NAA60: variants seen among roughly 807,000 people sequenced by gnomAD.
The protein encoded by NAA60 is N-alpha-acetyltransferase 60.
NAA60 carries 8 observed loss-of-function variants against 26.1 expected under a neutral mutation model. The observed-to-expected ratio is 0.31, with a 90% confidence interval of 0.18 to 0.55. The LOEUF (loss-of-function observed/expected upper bound fraction) is 0.55, where lower values mean the gene tolerates loss of function less well. Ranked by LOEUF, NAA60 falls within the 20% of genes least tolerant of loss-of-function variation. NAA60 has a pLI of 0.93. For missense variants in NAA60, 290 were observed against 311.3 expected (o/e 0.93, Z 0.51); for synonymous variants, 131 against 122.5 (o/e 1.07, Z -0.46).
chr16:3,445,389 T>G (rs893294480), intron 1 of NAA60, among the ~76,000 whole-genome samples: 10 of 151,058 alleles, frequency 6.6e-5, no homozygotes, highest in Admixed American at 3.3e-4. Context: ...TTCTCCTGCC[T>G]AAGCCTCCTG....
chr16:3,461,123 A>T (rs898959350), intron 2 of NAA60, among the ~76,000 whole-genome samples: 1 of 151,430 alleles, frequency 6.6e-6, no homozygotes, highest in African/African-American at 2.4e-5. Flanking sequence ...TTCAGGACTT[A>T]TCAGAAGCCC....
At chr16:3,456,066 G>A (rs2034979133) in intron 2 of NAA60, among the ~76,000 whole-genome samples, 1 of 152,104 alleles carries the variant, frequency 6.6e-6, no homozygotes, top group African/African-American at 2.4e-5. Context: ...TCATCTTAAC[G>A]GTGCTGTATT....
At chr16:3,482,378 C>G (rs2036892269) in intron 4 of NAA60, 124 bp from the exon 5 acceptor site, 3 of 755,110 alleles carry the variant, frequency 4.0e-6, no homozygotes, top group Non-Finnish European at 6.8e-6. Flanking sequence ...TTGATTCTGC[C>G]CCTCCCAGTC....
Position 3,443,741 on chromosome 16 carries a change from T to G in NAA60, c.-173T>G. 6.5e-7 allele frequency: 1 copy of G among 1,526,838 alleles called. No homozygotes were observed. The highest frequency in any genetic ancestry group is 1.2e-5 in the South Asian group (1 of 83,118). 94.6% of individuals were successfully genotyped at this position (1,526,838 alleles called of 1,614,324 possible). On this transcript the variant is annotated 5_prime_UTR_variant, in exon 1 of 8. Coordinates refer to ENST00000407558, the MANE Select transcript of NAA60 (RefSeq NM_001083601.3). ...GGCCTGTTTGCCTGCTGAAGTAGAGTCTTAGGGTGACCCCAGGGGGACGTA... is the reference window on the plus strand; with the variant it reads ...GGCCTGTTTGCCTGCTGAAGTAGAGGCTTAGGGTGACCCCAGGGGGACGTA...
chr16:3,456,460 A>G (rs529338453), intron 2 of NAA60, among the ~76,000 whole-genome samples: 2 of 151,534 alleles, frequency 1.3e-5, no homozygotes, highest in South Asian at 2.1e-4. Flanking sequence ...TTTTAACCCC[A>G]TCTTTTATTT....
chr16:3,450,413 T>C (rs957293926), intron 2 of NAA60, among the ~76,000 whole-genome samples: 1 of 152,122 alleles, frequency 6.6e-6, no homozygotes, highest in African/African-American at 2.4e-5. Context: ...AGGAAAGTTG[T>C]GCTCCTGCTG....
chr16:3,453,334 G>T (rs1478142295), intron 2 of NAA60, among the ~76,000 whole-genome samples: 1 of 151,898 alleles, frequency 6.6e-6, no homozygotes, highest in Non-Finnish European at 1.5e-5. Context: ...GGAGGTGTAG[G>T]CTGCATTGAG....
chr16:3,485,091 A>G, intron 7 of NAA60, 30 bp downstream of exon 7: 1 of 1,305,800 alleles, frequency 7.7e-7, no homozygotes. Context: ...AAGGTATGGG[A>G]GCTTGGTGCC....
intron 2 of NAA60, chr16:3,458,162 G>C (rs2035106852): frequency 5.1e-6 from 5 of 984,922 alleles, no homozygotes; most frequent in Non-Finnish European, 6.0e-6. Context: ...ACCCCCAGCG[G>C]CCGCCGGCTC....
At position 3,443,749 on chromosome 16, in the gene NAA60, T is replaced by C; in HGVS notation, c.-165T>C. ...TGCCTGCTGAAGTAGAGTCTTAGGG[T>C]GACCCCAGGGGGACGTAATGTTTCC... On this transcript the variant is annotated 5_prime_UTR_variant, in exon 1 of 8. Coordinates refer to ENST00000407558, the MANE Select transcript of NAA60 (RefSeq NM_001083601.3). 2 of 1,529,324 alleles carry C rather than the reference T, an allele frequency of 1.3e-6. No homozygotes were observed. Among genetic ancestry groups the C allele is most frequent in the Non-Finnish European group, 1.7e-6 (2 of 1,143,494 alleles). The allele number at this position is 1,529,324 out of a possible 1,614,324, so 94.7% of individuals were successfully genotyped here.
intron 5 of NAA60, 178 bp downstream of exon 5, chr16:3,482,776 T>A (rs2036928178): frequency 1.6e-6 from 1 of 625,056 alleles, no homozygotes; most frequent in Non-Finnish European, 2.9e-6. Flanking sequence ...ATCCCTCCCC[T>A]GCCAGCACAC....
chr16:3,461,877 C>T (rs1567373635), intron 2 of NAA60, among the ~76,000 whole-genome samples: 2 of 152,018 alleles, frequency 1.3e-5, no homozygotes, highest in Non-Finnish European at 2.9e-5. Flanking sequence ...CGCTTGAGCT[C>T]ACAAGTTCGA....
chr16:3,461,768 CAAAA>C (rs1327983362), intron 2 of NAA60, among the ~76,000 whole-genome samples: 1 of 152,058 alleles, frequency 6.6e-6, no homozygotes, highest in East Asian at 1.9e-4. Flanking sequence ...CACAGAAAAA[CAAAA>C]GAAAGGCATT....
chr16:3,458,508 A>G (rs2035146538), intron 2 of NAA60, among the ~76,000 whole-genome samples: 1 of 152,154 alleles, frequency 6.6e-6, no homozygotes, highest in Non-Finnish European at 1.5e-5. Flanking sequence ...ATTTGCAACT[A>G]GAGGGTGGTC....
At chr16:3,458,293 C>A in intron 2 of NAA60, 2 of 698,030 alleles carry the variant, frequency 2.9e-6, no homozygotes, top group Non-Finnish European at 3.5e-6. Flanking sequence ...CCACCGGGTA[C>A]GAGCGCGCTG....
chr16:3,476,603 T>C (rs1226204266), intron 3 of NAA60, among the ~76,000 whole-genome samples: 1 of 152,182 alleles, frequency 6.6e-6, no homozygotes. Flanking sequence ...GTGCTATTTA[T>C]AATTCAGAAA....
At chr16:3,446,832 A>G (rs1488523058) in intron 1 of NAA60, among the ~76,000 whole-genome samples, 1 of 152,072 alleles carries the variant, frequency 6.6e-6, no homozygotes. Flanking sequence ...GCTGGTCTCA[A>G]ACTCCTGGCC....
At chr16:3,479,808 G>T (rs554595267) in intron 4 of NAA60, among the ~76,000 whole-genome samples, 1 of 152,078 alleles carries the variant, frequency 6.6e-6, no homozygotes, top group Non-Finnish European at 1.5e-5. Context: ...GCCTCCAGTC[G>T]TGCCCAGCAG....
intron 1 of NAA60, among the ~76,000 whole-genome samples, chr16:3,444,893 G>C (rs1265492403): frequency 5.9e-5 from 9 of 152,164 alleles, no homozygotes; most frequent in Non-Finnish European, 1.2e-4. Flanking sequence ...CTGTCACTAG[G>C]GGAAGGACCT....
Sources: allele counts gnomAD v4.1 joint callset (sites outside exome capture counted in the v4.1 genomes callset), GRCh38; gene constraint gnomAD v4.1.1; transcripts MANE v1.5; gene names NCBI Gene and HGNC (gene_info 2026-07-23, HGNC 2026-07-21).